The following SLC7A2 variants were observed in gnomAD, a reference collection of about 807,000 sequenced individuals.
SLC7A2 encodes the protein cationic amino acid transporter 2.
Under a neutral mutation model 58.9 loss-of-function variants are expected in SLC7A2, and 48 were observed. The observed-to-expected ratio is 0.82, with a 90% CI of 0.65 to 1.04. SLC7A2 has a LOEUF of 1.04. Among genes scored for constraint, SLC7A2 ranks in the 50% least tolerant of loss-of-function variants. SLC7A2 has a pLI of 0.00. For missense variants in SLC7A2, 1,029 were observed against 818.8 expected, an observed-to-expected ratio of 1.26 and a Z score of -3.13; for synonymous variants, 363 against 314.5, an observed-to-expected ratio of 1.15 and a Z score of -1.63.
upstream of SLC7A2, among the ~76,000 whole-genome samples, chr8:17,495,160 A>T (rs534190280): frequency 5.9e-5 from 9 of 152,202 alleles, no homozygotes; most frequent in African/African-American, 1.9e-4. Context: ...ATTTTAATCA[A>T]TGTTGACCAG....
At chr8:17,502,753 A>T (rs1471928020) in intron 2 of SLC7A2, among the ~76,000 whole-genome samples, 1 of 152,038 alleles carries the variant, frequency 6.6e-6, no homozygotes, top group Non-Finnish European at 1.5e-5. Context: ...TTCCTAGGGG[A>T]ATCACTTCAC....
At chr8:17,523,900 T>G (rs1801116333) in intron 2 of SLC7A2, among the ~76,000 whole-genome samples, 1 of 142,952 alleles carries the variant, frequency 7.0e-6, no homozygotes, top group Non-Finnish European at 1.5e-5. Context: ...TACAAAGAAC[T>G]CAAACAAATC....
intron 2 of SLC7A2, among the ~76,000 whole-genome samples, chr8:17,536,924 C>T (rs899594110): frequency 6.6e-5 from 10 of 152,312 alleles, no homozygotes; most frequent in Middle Eastern, 6.8e-3. Flanking sequence ...ATCTTGCACA[C>T]CCAGCGTTAG....
chr8:17,504,793 C>G (rs1357494782), intron 2 of SLC7A2, among the ~76,000 whole-genome samples: 3 of 152,152 alleles, frequency 2.0e-5, no homozygotes, highest in Admixed American at 2.0e-4. Flanking sequence ...GTAACTGACT[C>G]AAACAGGAGA....
At chr8:17,562,976 AC>A (rs1803091376) in intron 11 of SLC7A2, among the ~76,000 whole-genome samples, 2 of 152,064 alleles carry the variant, frequency 1.3e-5, no homozygotes, top group South Asian at 2.1e-4. Flanking sequence ...CCCCATCTCT[AC>A]AAAACAAACA....
chr8:17,535,502 G>T (rs1163453020), intron 2 of SLC7A2, among the ~76,000 whole-genome samples: 1 of 152,218 alleles, frequency 6.6e-6, no homozygotes, highest in East Asian at 1.9e-4. Context: ...AACTGCAGGT[G>T]GCACGAGGGA....
chr8:17,515,176 A>C (rs1800753449), intron 2 of SLC7A2, among the ~76,000 whole-genome samples: 1 of 152,220 alleles, frequency 6.6e-6, no homozygotes, highest in South Asian at 2.1e-4. Context: ...AATAGTCAGT[A>C]TGTAATGGTG....
intron 8 of SLC7A2, among the ~76,000 whole-genome samples, chr8:17,557,626 G>A (rs1208902152): frequency 3.3e-5 from 5 of 152,122 alleles, no homozygotes; most frequent in East Asian, 3.8e-4. Flanking sequence ...AGGCCAGTTC[G>A]AGACCAGCCT....
intron 7 of SLC7A2, 104 bp downstream of exon 7, chr8:17,552,090 A>G: frequency 1.3e-6 from 1 of 766,482 alleles, no homozygotes; most frequent in Non-Finnish European, 2.2e-6. Flanking sequence ...TAATAGAAAC[A>G]AAATATTATG....
At chr8:17,518,754 C>G (rs1336990125) in intron 2 of SLC7A2, among the ~76,000 whole-genome samples, 1 of 152,162 alleles carries the variant, frequency 6.6e-6, no homozygotes, top group East Asian at 1.9e-4. Flanking sequence ...TTGATTTTGT[C>G]TGACATTGTC....
At chr8:17,542,694 T>G (rs1801965721) in intron 2 of SLC7A2, among the ~76,000 whole-genome samples, 1 of 151,320 alleles carries the variant, frequency 6.6e-6, no homozygotes, top group Non-Finnish European at 1.5e-5. Context: ...ATGGTTGAAG[T>G]AAAGAGAGAC....
intron 2 of SLC7A2, among the ~76,000 whole-genome samples, chr8:17,503,978 G>A (rs939916149): frequency 6.6e-6 from 1 of 152,072 alleles, no homozygotes; most frequent in Non-Finnish European, 1.5e-5. Flanking sequence ...GTGTGTTTTG[G>A]CCACATGAGG....
intron 4 of SLC7A2, among the ~76,000 whole-genome samples, chr8:17,546,893 T>C (rs1802198281): frequency 6.6e-6 from 1 of 152,178 alleles, no homozygotes; most frequent in Non-Finnish European, 1.5e-5. Context: ...GTTAAAGATA[T>C]ACATATGATA....
At chr8:17,564,189 A>G (rs959341286) in intron 12 of SLC7A2, among the ~76,000 whole-genome samples, 11 of 152,200 alleles carry the variant, frequency 7.2e-5, no homozygotes, top group African/African-American at 2.7e-4. Context: ...CTTTGTTAAT[A>G]CAGAGTGTAC....
chr8:17,557,828 A>G (rs1802781241), intron 8 of SLC7A2, among the ~76,000 whole-genome samples: 1 of 126,724 alleles, frequency 7.9e-6, no homozygotes, highest in Non-Finnish European at 1.6e-5. Context: ...CCCTGTCTCA[A>G]AAAAGAAAAA....
intron 2 of SLC7A2, among the ~76,000 whole-genome samples, chr8:17,529,634 A>G (rs1053493880): frequency 2.0e-5 from 3 of 151,792 alleles, no homozygotes; most frequent in Non-Finnish European, 2.9e-5. Flanking sequence ...TCCTGGGTTC[A>G]AGAGATTCTC....
At position 17,560,386 on chromosome 8, in the gene SLC7A2, G is replaced by C. The variant is rs958096552; in HGVS notation, c.1357G>C (p.Gly453Arg). ...ATGTTCTCCTGAGAAAGATGGTCTG[G>C]GATCGTCTCCCAGGGTAACCTCGAA... ...PKCSPEKDGL[G>R]SSPRVTSKSE... The change falls in exon 10 of 13, where the codon GGA becomes CGA. Residue 453 changes from glycine (G) to arginine (R), a missense_variant. Physicochemically the swap from Gly to Arg is moderately radical, Grantham distance 125. Coordinates refer to ENST00000494857, the MANE Select transcript of SLC7A2 (RefSeq NM_001370338.1). The C allele has an allele frequency of 3.1e-6, 5 of 1,613,984 alleles. No individual in the cohort carries two copies. The African/African-American group carries it at 6.7e-5, about 22-fold the overall frequency.
chr8:17,524,519 G>A (rs1455741442), intron 2 of SLC7A2, among the ~76,000 whole-genome samples: 1 of 151,900 alleles, frequency 6.6e-6, no homozygotes, highest in Non-Finnish European at 1.5e-5. Context: ...AACCTGGATG[G>A]AATTGGATAC....
intron 2 of SLC7A2, among the ~76,000 whole-genome samples, chr8:17,539,585 G>A (rs1801822165): frequency 6.6e-6 from 1 of 152,184 alleles, no homozygotes; most frequent in Non-Finnish European, 1.5e-5. Context: ...ACCTCATAGG[G>A]ATGTTGATCA....
Sources: gnomAD v4.1 joint callset for allele counts (sites outside exome capture counted in the v4.1 genomes callset) on GRCh38, gnomAD v4.1.1 for gene constraint, MANE v1.5 for transcripts, NCBI Gene and HGNC (gene_info 2026-07-23, HGNC 2026-07-21) for gene names.